Variants in ANKRD12 observed in about 807,000 individuals in gnomAD.
ANKRD12 encodes the protein ankyrin repeat domain 12.
Under a neutral mutation model 183.4 loss-of-function variants are expected in ANKRD12, and 85 were observed. The observed-to-expected ratio is 0.46, with a 90% CI of 0.39 to 0.56. ANKRD12 has a LOEUF of 0.56. Ranked by LOEUF, ANKRD12 falls within the 20% of genes least tolerant of loss-of-function variation. The pLI is 0.00. For synonymous variants in ANKRD12, 914 were observed against 800.2 expected (o/e 1.14, Z -2.40); for missense variants, 2,405 against 2,357.1 (o/e 1.02, Z -0.42).
chr18:9,159,866 A>ATGACCATAGC lies in ANKRD12; in HGVS notation c.-51-22514_-51-22505dup, dbSNP rs574878465. ...GTCACCCAGGCTAGGGTACAATGTC[A>ATGACCATAGC]TGACCATAGCTTACCACAGCCTCAA... On this transcript the variant is annotated intron_variant, in intron 1 of 12. Coordinates refer to ENST00000262126, the MANE Select transcript of ANKRD12 (RefSeq NM_015208.5). Among the ~76,000 whole-genome samples, 429 of 150,962 alleles carry ATGACCATAGC rather than the reference A, an allele frequency of 2.8e-3. 2 individuals are homozygous for ATGACCATAGC. The highest frequency in any genetic ancestry group is 0.017 in the Middle Eastern group (5 of 292).
At position 9,256,871 on chromosome 18, in the gene ANKRD12, A is replaced by G; in HGVS notation, c.3604A>G (p.Arg1202Gly). The G allele has an allele frequency of 1.2e-6, 2 of 1,614,006 alleles. No homozygotes were observed. Among genetic ancestry groups the G allele is most frequent in the East Asian group, 2.2e-5 (1 of 44,884 alleles). Residue 1202 changes from arginine to glycine, a missense_variant, in exon 9 of 13, where the codon AGA becomes GGA. Around this residue, in one of 7 missense-constraint regions of ANKRD12, gnomAD observed 1,983 missense variants for 1,725.9 expected, o/e 1.15. Transcript: ENST00000262126. Reference sequence around the variant, plus strand: ...AAATGAAAAGCCGGGTCTCAGCTCCAGATCTGTATCCATGATTTCTGTTGC... The same window carrying G: ...AAATGAAAAGCCGGGTCTCAGCTCCGGATCTGTATCCATGATTTCTGTTGC... ...SENEKPGLSS[R>G]SVSMISVASS...
chr18:9,267,410 T>C (rs936624899), intron 10 of ANKRD12, among the ~76,000 whole-genome samples: 2 of 152,118 alleles, frequency 1.3e-5, no homozygotes, highest in African/African-American at 4.8e-5. Flanking sequence ...ACAGAAATTA[T>C]AACAAACTGT....
At chr18:9,138,005 CA>C (rs1262370187) in intron 1 of ANKRD12, 1 of 152,210 alleles carries the variant, frequency 6.6e-6, no homozygotes, top group Non-Finnish European at 1.5e-5. Flanking sequence ...TTGTAATTTC[CA>C]CTGGACACCC....
intron 1 of ANKRD12, among the ~76,000 whole-genome samples, chr18:9,145,134 A>G (rs889083573): frequency 6.6e-6 from 1 of 152,100 alleles, no homozygotes; most frequent in Non-Finnish European, 1.5e-5. Flanking sequence ...TGTTAGTTTT[A>G]TTTTTAGGTA....
Position 9,258,786 on chromosome 18 carries a change from T to G in ANKRD12, c.5519T>G (p.Leu1840Trp). The G allele has an allele frequency of 6.2e-7, 1 of 1,613,842 alleles. No homozygotes were observed. The highest frequency in any genetic ancestry group is 8.5e-7 in the Non-Finnish European group (1 of 1,179,856). The change falls in exon 9 of 13, where the codon TTG (leucine) becomes TGG (tryptophan). Residue 1840 changes from leucine (L) to tryptophan (W), a missense_variant. Coordinates refer to ENST00000262126, the MANE Select transcript of ANKRD12 (RefSeq NM_015208.5). Reference protein sequence around the residue: ...SERANPYFEYLHIRKKIEEKR... With the variant: ...SERANPYFEYWHIRKKIEEKR... Reference sequence around the variant, plus strand: ...AGAGCAAATCCATATTTTGAATACTTGCACATAAGGAAAAAAATAGAAGAA... The same window carrying G: ...AGAGCAAATCCATATTTTGAATACTGGCACATAAGGAAAAAAATAGAAGAA...
intron 8 of ANKRD12, among the ~76,000 whole-genome samples, chr18:9,225,055 A>G (rs562490221): frequency 6.7e-4 from 102 of 152,094 alleles, no homozygotes; most frequent in African/African-American, 2.3e-3. Context: ...CCTGCCTCCA[A>G]AAAAAACACC....
chr18:9,205,115 C>G (rs1185024964), intron 4 of ANKRD12, among the ~76,000 whole-genome samples: 1 of 152,144 alleles, frequency 6.6e-6, no homozygotes, highest in Non-Finnish European at 1.5e-5. Context: ...GTTGCAACCT[C>G]TCTATTAAGC....
At chr18:9,271,031 C>G (rs1011191485) in intron 10 of ANKRD12, among the ~76,000 whole-genome samples, 8 of 152,164 alleles carry the variant, frequency 5.3e-5, no homozygotes, top group Non-Finnish European at 1.0e-4. Context: ...CTACGCAGAA[C>G]TGCAGTTAGG....
Position 9,281,421 on chromosome 18 carries a change from G to A in ANKRD12, c.*295G>A, listed in dbSNP as rs1001559316. Reference sequence around the variant, plus strand: ...AAAAAGTTGAGAATCTGCTAACAGCGCTGGAAGTTGTTAGCGCTCTAAGTA... The same window carrying A: ...AAAAAGTTGAGAATCTGCTAACAGCACTGGAAGTTGTTAGCGCTCTAAGTA... On this transcript the variant is annotated 3_prime_UTR_variant, in exon 13 of 13. Transcript: ENST00000262126. 1.9e-5 allele frequency: 4 copies of A among 205,722 alleles called. No individual in the cohort carries two copies. The highest frequency in any genetic ancestry group is 1.5e-4 in the South Asian group (1 of 6,770). 12.7% of individuals were successfully genotyped at this position (205,722 alleles called of 1,614,324 possible).
intron 8 of ANKRD12, among the ~76,000 whole-genome samples, chr18:9,226,756 A>G (rs539416844): frequency 2.4e-4 from 37 of 152,164 alleles, no homozygotes; most frequent in Non-Finnish European, 4.1e-4. Context: ...TGTGATACCT[A>G]AAAGGGATAT....
Position 9,222,010 on chromosome 18 carries a change from G to A in ANKRD12, c.943+11G>A, listed in dbSNP as rs1451448423. On this transcript the variant is annotated intron_variant, in intron 8 of 12. Coordinates refer to ENST00000262126, the MANE Select transcript of ANKRD12 (RefSeq NM_015208.5). ...ATGAAAGTTACACAGGTTTGTTTCA[G>A]ATAATCTACATTCATCTGTTCGTTT... 1 of 1,612,806 alleles carries A rather than the reference G, an allele frequency of 6.2e-7. No individual in the cohort carries two copies. The highest frequency in any genetic ancestry group is 1.3e-5 in the African/African-American group (1 of 74,844).
chr18:9,187,960 CAT>C (rs1237617598), intron 2 of ANKRD12, among the ~76,000 whole-genome samples: 1 of 152,144 alleles, frequency 6.6e-6, no homozygotes, highest in African/African-American at 2.4e-5. Context: ...TATTATAATA[CAT>C]GTTTGTTGTA....
At chr18:9,173,609 G>A (rs2032955909) in intron 1 of ANKRD12, among the ~76,000 whole-genome samples, 1 of 130,156 alleles carries the variant, frequency 7.7e-6, no homozygotes, top group Non-Finnish European at 1.7e-5. Flanking sequence ...CCATCCCGGT[G>A]GGGTGGTGGG....
Position 9,255,970 on chromosome 18 carries a change from G to C in ANKRD12, c.2703G>C (p.Glu901Asp). 6.4e-7 allele frequency: 1 copy of C among 1,568,996 alleles called. No homozygotes were observed. The highest frequency in any genetic ancestry group is 8.6e-7 in the Non-Finnish European group (1 of 1,166,004). The change falls in exon 9 of 13, where the codon GAG becomes GAC. Residue 901 changes from glutamate to aspartate, a missense_variant. Glu to Asp is a conservative substitution (Grantham distance 45). Around this residue, in one of 7 missense-constraint regions of ANKRD12, gnomAD observed 1,983 missense variants for 1,725.9 expected, o/e 1.15. Coordinates refer to ENST00000262126, the MANE Select transcript of ANKRD12 (RefSeq NM_015208.5). Reference protein sequence around the residue: ...TAAIKKTDDREKSREKMDRKH... With the variant: ...TAAIKKTDDRDKSREKMDRKH... ...CTATTAAAAAAACTGACGACAGAGA[G>C]AAAAGTAGAGAAAAGATGGATAGGA...
At chr18:9,179,445 A>G (rs1158731895) in intron 1 of ANKRD12, among the ~76,000 whole-genome samples, 1 of 152,086 alleles carries the variant, frequency 6.6e-6, no homozygotes, top group Non-Finnish European at 1.5e-5. Context: ...TAGCTAACAC[A>G]TTTTATCTTA....
intron 11 of ANKRD12, among the ~76,000 whole-genome samples, chr18:9,278,383 A>G (rs1488593645): frequency 6.6e-6 from 1 of 152,220 alleles, no homozygotes; most frequent in Non-Finnish European, 1.5e-5. Context: ...TTGTTTGAGC[A>G]CCTGAAATGT....
Position 9,279,535 on chromosome 18 carries a change from CT to C in ANKRD12, c.5908-10del. On this transcript the variant is annotated splice_polypyrimidine_tract_variant and intron_variant, in intron 11 of 12. Coordinates refer to ENST00000262126, the MANE Select transcript of ANKRD12 (RefSeq NM_015208.5). ...GATTTATTGTATTTTATAATACTCACTTTTCTCTTTTAGTCTGATGACAGTA... is the reference window on the plus strand; with the variant it reads ...GATTTATTGTATTTTATAATACTCACTTTCTCTTTTAGTCTGATGACAGTA... 6.7e-7 allele frequency: 1 copy of C among 1,496,770 alleles called. No homozygotes were observed. Among genetic ancestry groups the C allele is most frequent in the Non-Finnish European group, 9.2e-7 (1 of 1,084,368 alleles). The allele number at this position is 1,496,770 out of a possible 1,614,324, so 92.7% of individuals were successfully genotyped here. A position where few individuals can be genotyped will look rare whatever the true frequency, so the allele number is the denominator to read the frequency against.
chr18:9,177,903 T>C (rs966748894), intron 1 of ANKRD12, among the ~76,000 whole-genome samples: 2 of 152,240 alleles, frequency 1.3e-5, no homozygotes, highest in African/African-American at 2.4e-5. Context: ...TTATATGTTA[T>C]TTGCTGAACT....
Position 9,285,751 on chromosome 18 carries a change from T to C in ANKRD12, c.*4625T>C, listed in dbSNP as rs182279076. 7.2e-5 allele frequency: 11 copies of C among 152,272 alleles called. No individual in the cohort carries two copies. In the East Asian group the frequency reaches 1.9e-3, roughly 27 times the overall value. The allele number at this position is 152,272 out of a possible 1,614,324, so 9.4% of individuals were successfully genotyped here. A position where few individuals can be genotyped will look rare whatever the true frequency, so the allele number is the denominator to read the frequency against. On this transcript the variant is annotated 3_prime_UTR_variant, in exon 13 of 13. Coordinates refer to ENST00000262126, the MANE Select transcript of ANKRD12 (RefSeq NM_015208.5). The stretch of plus-strand genomic sequence containing the variant: ...GTGCTGATTTCCCATCACCATACAT[T>C]AGTTGTACCTAGCCTTGAACTTCAT...
Sources: allele counts gnomAD v4.1 joint callset (sites outside exome capture counted in the v4.1 genomes callset), GRCh38; gene constraint gnomAD v4.1.1; regional missense constraint gnomAD v4.1.1; transcripts MANE v1.5; gene names NCBI Gene and HGNC (gene_info 2026-07-23, HGNC 2026-07-21).